The following IL34 variants were observed in gnomAD, a reference collection of about 807,000 sequenced individuals.
IL34 encodes the protein interleukin 34, also known as interleukin-34.
Under a neutral mutation model 25.3 loss-of-function variants are expected in IL34, and 17 were observed. The ratio of observed to expected loss-of-function variants is 0.67; its 90% CI spans 0.46 to 1.01. IL34 has a LOEUF of 1.01. Among genes scored for constraint, IL34 ranks in the 50% least tolerant of loss-of-function variants. IL34 has a pLI of 0.00. For missense variants in IL34, 368 were observed against 312.9 expected (o/e 1.18, Z -1.33); for synonymous variants, 174 against 140.9 (o/e 1.23, Z -1.66).
At chr16:70,584,728 C>G (rs1198114317) in intron 1 of IL34, among the ~76,000 whole-genome samples, 8 of 151,220 alleles carry the variant, frequency 5.3e-5, no homozygotes, top group Non-Finnish European at 7.4e-5. Context: ...TGAGATGGAG[C>G]CTTGGTCTGT....
At chr16:70,633,905 C>T (rs889005631) in intron 1 of IL34, among the ~76,000 whole-genome samples, 3 of 151,744 alleles carry the variant, frequency 2.0e-5, no homozygotes, top group Admixed American at 2.0e-4. Flanking sequence ...GGCTGGAGTG[C>T]GGTGGCGTGA....
intron 1 of IL34, among the ~76,000 whole-genome samples, chr16:70,584,502 A>ACTTCCC: frequency 6.6e-6 from 1 of 152,158 alleles, no homozygotes; most frequent in African/African-American, 2.4e-5. Flanking sequence ...CCACTGGGAA[A>ACTTCCC]AGTCAGCGCT....
At chr16:70,582,120 C>G (rs953646366) in intron 1 of IL34, among the ~76,000 whole-genome samples, 3 of 152,214 alleles carry the variant, frequency 2.0e-5, no homozygotes, top group African/African-American at 4.8e-5. Context: ...AGAGCCTATT[C>G]TTACCCAGCT....
At chr16:70,586,711 G>A (rs949021107) in intron 1 of IL34, among the ~76,000 whole-genome samples, 2 of 152,190 alleles carry the variant, frequency 1.3e-5, no homozygotes, top group Non-Finnish European at 2.9e-5. Flanking sequence ...CCTCCAGCCT[G>A]GCATTGCACA....
chr16:70,592,019 C>G (rs1387800262), intron 1 of IL34, among the ~76,000 whole-genome samples: 1 of 152,038 alleles, frequency 6.6e-6, no homozygotes, highest in Non-Finnish European at 1.5e-5. Context: ...TGCTTAGGGT[C>G]TCCTCCAGGG....
chr16:70,633,267 C>G (rs1380965967), intron 1 of IL34, among the ~76,000 whole-genome samples: 2 of 148,274 alleles, frequency 1.3e-5, no homozygotes, highest in African/African-American at 5.0e-5. Flanking sequence ...TTTTTTTTTT[C>G]TTTTAAGACA....
intron 1 of IL34, among the ~76,000 whole-genome samples, chr16:70,649,930 C>A (rs1403634473): frequency 6.6e-6 from 1 of 152,170 alleles, no homozygotes; most frequent in East Asian, 1.9e-4. Context: ...TCCCGAGTAG[C>A]TGGGACTACA....
chr16:70,628,573 G>A (rs60774382), intron 1 of IL34, among the ~76,000 whole-genome samples: 12,318 of 150,568 alleles, frequency 0.082, 1,633 homozygotes, highest in African/African-American at 0.28. Context: ...TGCAATCTCC[G>A]GCTCGCGGGT....
chr16:70,596,660 A>T (rs1567438228), intron 1 of IL34, among the ~76,000 whole-genome samples: 1 of 152,170 alleles, frequency 6.6e-6, no homozygotes, highest in Admixed American at 6.5e-5. Context: ...ATTTGTGCCC[A>T]GTTGCAGTGG....
At chr16:70,603,428 G>C (rs1279944256) in intron 1 of IL34, among the ~76,000 whole-genome samples, 1 of 151,872 alleles carries the variant, frequency 6.6e-6, no homozygotes, top group African/African-American at 2.4e-5. Context: ...TACAGCCATG[G>C]GCCACCACGC....
At chr16:70,657,249 G>C in intron 4 of IL34, 128 bp downstream of exon 4, 1 of 973,012 alleles carries the variant, frequency 1.0e-6, no homozygotes, top group Non-Finnish European at 1.5e-6. Flanking sequence ...CAAGCAGAGG[G>C]ACGTGGGAGA....
intron 1 of IL34, among the ~76,000 whole-genome samples, chr16:70,606,152 G>A (rs1020453265): frequency 8.6e-5 from 13 of 151,716 alleles, no homozygotes; most frequent in South Asian, 2.1e-4. Context: ...ATCCTAGCAC[G>A]TTGGGAGGCC....
chr16:70,657,358 T>C, intron 4 of IL34: 1 of 533,684 alleles, frequency 1.9e-6, no homozygotes, highest in Non-Finnish European at 3.4e-6. Context: ...CCTCTGAGAC[T>C]CTGTTCTAGG....
intron 1 of IL34, among the ~76,000 whole-genome samples, chr16:70,634,304 C>T (rs535721537): frequency 5.7e-4 from 87 of 152,184 alleles, no homozygotes; most frequent in African/African-American, 1.7e-3. Context: ...TGGGGGCAGG[C>T]AGCACTGTTC....
chr16:70,600,802 G>A (rs1402902018), intron 1 of IL34, among the ~76,000 whole-genome samples: 1 of 151,932 alleles, frequency 6.6e-6, no homozygotes, highest in African/African-American at 2.4e-5. Context: ...GAGAGATGGG[G>A]ATGCTGGGAG....
At chr16:70,624,899 G>T (rs987389814) in intron 1 of IL34, among the ~76,000 whole-genome samples, 4 of 151,880 alleles carry the variant, frequency 2.6e-5, no homozygotes, top group African/African-American at 9.7e-5. Flanking sequence ...CTTGGGGTTG[G>T]GACTGAGGGG....
Position 70,660,402 on chromosome 16 carries a change from TG to T in IL34, c.*219del. On this transcript the variant is annotated 3_prime_UTR_variant, in exon 6 of 6. Transcript: ENST00000288098. Reference sequence around the variant, plus strand: ...GGCCTCACCTGGAGCGGAGGGGACCTGGGGACCTGAAGGTGGATGGGGACAC... The same window carrying T: ...GGCCTCACCTGGAGCGGAGGGGACCTGGGACCTGAAGGTGGATGGGGACAC... 1 of 492,642 alleles carries T rather than the reference TG, an allele frequency of 2.0e-6. No individual in the cohort carries two copies. The highest frequency in any genetic ancestry group is 3.5e-6 in the Non-Finnish European group (1 of 284,212). 30.5% of individuals were successfully genotyped at this position (492,642 alleles called of 1,614,324 possible).
At chr16:70,602,583 ATGTGTGTGTG>A (rs3058045) in intron 1 of IL34, among the ~76,000 whole-genome samples, 60 of 135,050 alleles carry the variant, frequency 4.4e-4, no homozygotes, top group East Asian at 6.9e-4. Flanking sequence ...TTTGGAATTG[ATGTGTGTGTG>A]TGTGTGTGTG....
upstream of IL34, among the ~76,000 whole-genome samples, chr16:70,641,664 T>G (rs2051788110): frequency 6.6e-6 from 1 of 151,638 alleles, no homozygotes; most frequent in Non-Finnish European, 1.5e-5. Flanking sequence ...CTCCCCAGAT[T>G]CAAGTGATCT....
Sources: allele counts gnomAD v4.1 joint callset (sites outside exome capture counted in the v4.1 genomes callset), GRCh38; gene constraint gnomAD v4.1.1; transcripts MANE v1.5; gene names NCBI Gene and HGNC (gene_info 2026-07-23, HGNC 2026-07-21).